The following UNC13A variants were observed in gnomAD, a reference collection of about 807,000 sequenced individuals.
UNC13A encodes protein unc-13 homolog A.
Under a neutral mutation model 219.7 loss-of-function variants are expected in UNC13A, and 61 were observed. That is an observed-to-expected ratio of 0.28 (90% CI 0.23 to 0.34). UNC13A has a LOEUF of 0.34. Among genes scored for constraint, UNC13A ranks in the 10% least tolerant of loss-of-function variants. The pLI, the probability that UNC13A is intolerant of heterozygous loss-of-function variation, is 1.00. For synonymous variants in UNC13A, 920 were observed against 884.6 expected (o/e 1.04, Z -0.71); for missense variants, 1,476 against 2,270.3 (o/e 0.65, Z 7.11).
At chr19:17,676,218 G>A in intron 1 of UNC13A, 177 bp from the exon 2 acceptor site, 2 of 741,358 alleles carry the variant, frequency 2.7e-6, no homozygotes, top group Non-Finnish European at 4.8e-6. Context: ...AAAGATAGAA[G>A]CAATGTCAGA....
chr19:17,652,779 T>C (rs1344293285), intron 11 of UNC13A, 102 bp from the exon 12 acceptor site: 15 of 1,337,906 alleles, frequency 1.1e-5, no homozygotes, highest in Middle Eastern at 4.1e-4. Flanking sequence ...GGGAGTCAGA[T>C]GGCCTGGGTC....
chr19:17,635,338 CT>C (rs1400948433), intron 26 of UNC13A, among the ~76,000 whole-genome samples: 5 of 152,164 alleles, frequency 3.3e-5, no homozygotes, highest in Non-Finnish European at 5.9e-5. Flanking sequence ...TCCACCCACC[CT>C]TCAATCCATC....
At chr19:17,615,507 C>T (rs11883161) in intron 41 of UNC13A, among the ~76,000 whole-genome samples, 1,819 of 152,270 alleles carry the variant, frequency 0.012, 35 homozygotes, top group African/African-American at 0.041. Context: ...GGCAAAACCC[C>T]GTCTCTACTA....
At chr19:17,626,406 A>T (rs1391151283) in intron 34 of UNC13A, 2 of 497,044 alleles carry the variant, frequency 4.0e-6, no homozygotes, top group African/African-American at 3.9e-5. Context: ...CATGTCACCT[A>T]TTCATCCACC....
At position 17,656,213 on chromosome 19, in the gene UNC13A, T is replaced by G; in HGVS notation, c.953A>C (p.Asp318Ala). 1 of 1,552,160 alleles carries G rather than the reference T, an allele frequency of 6.4e-7. No homozygotes were observed. The highest frequency in any genetic ancestry group is 8.7e-7 in the Non-Finnish European group (1 of 1,147,088). The change falls in exon 10 of 44, where the codon GAC (aspartate) becomes GCC (alanine). Residue 318 changes from aspartate (D) to alanine (A), a missense_variant. This residue lies in a region of UNC13A where 351 missense variants were observed against 342.6 expected (regional missense o/e 1.02). Coordinates refer to ENST00000519716, the MANE Select transcript of UNC13A (RefSeq NM_001080421.3). The stretch of plus-strand genomic sequence containing the variant: ...CTCCTCCAGCTCTTCCTCATCCTGG[T>G]CCCAGCGAGGCGAGTCTTTGTGGTA... ...VSYHKDSPRW[D>A]QDEEELEEDL...
At chr19:17,653,053 C>T (rs575879593) in intron 11 of UNC13A, among the ~76,000 whole-genome samples, 19 of 152,186 alleles carry the variant, frequency 1.2e-4, no homozygotes, top group Non-Finnish European at 1.9e-4. Context: ...ATTTATCATT[C>T]GGGTCTCAGC....
chr19:17,626,481 A>G, intron 34 of UNC13A, 152 bp downstream of exon 34: 1 of 775,200 alleles, frequency 1.3e-6, no homozygotes, highest in Non-Finnish European at 1.9e-6. Flanking sequence ...CCAACTTTCC[A>G]TCCCCTTCAT....
intron 5 of UNC13A, 34 bp from the exon 6 acceptor site, chr19:17,668,224 AC>A (rs753271097): frequency 1.3e-6 from 2 of 1,592,288 alleles, no homozygotes; most frequent in Non-Finnish European, 8.6e-7. Context: ...AGCCTGGAAG[AC>A]CCTCCCTGCC....
intron 26 of UNC13A, among the ~76,000 whole-genome samples, chr19:17,635,234 C>T (rs2076901265): frequency 6.6e-6 from 1 of 152,172 alleles, no homozygotes; most frequent in Non-Finnish European, 1.5e-5. Context: ...CTCCTGACCT[C>T]AAATGATCCA....
intron 5 of UNC13A, 108 bp from the exon 6 acceptor site, chr19:17,668,298 GC>G: frequency 1.9e-6 from 2 of 1,076,706 alleles, no homozygotes; most frequent in South Asian, 2.8e-5. Flanking sequence ...GGGGTCTTTG[GC>G]AAAGCCTCAG....
chr19:17,652,684 G>A lies in UNC13A; in HGVS notation c.1393-7C>T. 1 of 1,613,130 alleles carries A rather than the reference G, an allele frequency of 6.2e-7. No homozygotes were observed. The highest frequency in any genetic ancestry group is 8.5e-7 in the Non-Finnish European group (1 of 1,179,290). ...TCTCTCCTTCTCCCCGGGCCTGCAG[G>A]ACAGACAGACAGATATGGTCAGTGT... On this transcript the variant is annotated splice_region_variant and splice_polypyrimidine_tract_variant and intron_variant, in intron 11 of 43. Transcript: ENST00000519716.
rs371227203 is a variant in UNC13A at position 17,641,600 on chromosome 19, C to T, written c.2473-44G>A. On this transcript the variant is annotated intron_variant, in intron 20 of 43. Transcript: ENST00000519716. Reference sequence around the variant, plus strand: ...AAGTGTCATGGAGAGTGCAAGGGGTCGCCGGGGGTCAGAGGTCCCAGGGTC... The same window carrying T: ...AAGTGTCATGGAGAGTGCAAGGGGTTGCCGGGGGTCAGAGGTCCCAGGGTC... 2.9e-5 allele frequency: 47 copies of T among 1,594,356 alleles called. No individual in the cohort carries two copies. In the African/African-American group the frequency reaches 5.1e-4, roughly 17 times the overall value.
chr19:17,671,512 TG>T (rs2079787351), intron 4 of UNC13A, among the ~76,000 whole-genome samples: 1 of 152,138 alleles, frequency 6.6e-6, no homozygotes, highest in South Asian at 2.1e-4. Context: ...GGCTCGCACC[TG>T]TAATACCAGC....
intron 15 of UNC13A, 87 bp downstream of exon 15, chr19:17,648,825 C>T (rs1476793952): frequency 6.6e-7 from 1 of 1,519,236 alleles, no homozygotes; most frequent in Non-Finnish European, 8.9e-7. Context: ...CCTTCCTCTT[C>T]CCGGGGACCC....
In UNC13A at chr19:17,656,356, G is replaced by C; in HGVS notation, c.810C>G (p.Ser270Arg). Reference protein sequence around the residue: ...SSRYASSGELSQGSSQLSEDF... With the variant: ...SSRYASSGELRQGSSQLSEDF... Reference sequence around the variant, plus strand: ...CCTCGCTCAGCTGAGAGCTTCCCTGGCTCAGCTCCCCGGAAGAGGCATAGC... The same window carrying C: ...CCTCGCTCAGCTGAGAGCTTCCCTGCCTCAGCTCCCCGGAAGAGGCATAGC... Residue 270 changes from serine to arginine, a missense_variant, in exon 10 of 44, where the codon AGC (serine) becomes AGG (arginine). This residue lies in a region of UNC13A where 351 missense variants were observed against 342.6 expected (regional missense o/e 1.02). Transcript: ENST00000519716. 1.3e-6 allele frequency: 2 copies of C among 1,556,198 alleles called. No individual in the cohort carries two copies. The highest frequency in any genetic ancestry group is 1.7e-6 in the Non-Finnish European group (2 of 1,151,374).
rs532009842 is a variant in UNC13A, at chr19:17,629,956, C to T, written c.3669+189G>A. Among the ~76,000 whole-genome samples, 3 of 151,526 alleles carry T rather than the reference C, an allele frequency of 2.0e-5. No homozygotes were observed. In the South Asian group the frequency reaches 6.3e-4, roughly 32 times the overall value. ...ACCTCCATTCAAACCTCAACTCCAA[C>T]CTCATCTCAACCTCAACCTCAACCC... On this transcript the variant is annotated intron_variant, in intron 30 of 43. Transcript: ENST00000519716.
chr19:17,676,202 A>T lies in UNC13A; in HGVS notation c.23-161T>A, dbSNP rs757308480. On this transcript the variant is annotated intron_variant, in intron 1 of 43. Transcript: ENST00000519716. Reference sequence around the variant, plus strand: ...TAAAAAGCAAAAGAGACAGATGTTAAAAAAGAAAGATAGAAGCAATGTCAG... The same window carrying T: ...TAAAAAGCAAAAGAGACAGATGTTATAAAAGAAAGATAGAAGCAATGTCAG... The T allele has an allele frequency of 1.8e-5, 14 of 796,678 alleles. No homozygotes were observed. The African/African-American group carries it at 2.2e-4, about 13-fold the overall frequency. The allele number at this position is 796,678 out of a possible 1,614,324, so 49.4% of individuals were successfully genotyped here.
chr19:17,656,404 G>C lies in UNC13A; in HGVS notation c.768-6C>G, dbSNP rs1316215464. 2.6e-6 allele frequency: 4 copies of C among 1,513,416 alleles called. No homozygotes were observed. The African/African-American group carries it at 4.1e-5, about 16-fold the overall frequency. The allele number at this position is 1,513,416 out of a possible 1,614,324, so 93.7% of individuals were successfully genotyped here. On this transcript the variant is annotated splice_polypyrimidine_tract_variant and splice_region_variant and intron_variant, in intron 9 of 43. Transcript: ENST00000519716. ...AGCGGCTGCTACCCGTGGGGCTGTGGGGATGGAACAGGGTTCAGGGACTGG... is the reference window on the plus strand; with the variant it reads ...AGCGGCTGCTACCCGTGGGGCTGTGCGGATGGAACAGGGTTCAGGGACTGG...
chr19:17,631,903 C>G (rs1359712647), intron 28 of UNC13A, among the ~76,000 whole-genome samples: 2 of 152,104 alleles, frequency 1.3e-5, no homozygotes, highest in African/African-American at 2.4e-5. Context: ...TGCCATCACA[C>G]CCGGATAATT....
Sources: gnomAD v4.1 joint callset for allele counts (sites outside exome capture counted in the v4.1 genomes callset) on GRCh38, gnomAD v4.1.1 for gene constraint, gnomAD v4.1.1 regional missense constraint, MANE v1.5 for transcripts, NCBI Gene and HGNC (gene_info 2026-07-23, HGNC 2026-07-21) for gene names.